GLI3: variants seen among roughly 807,000 people sequenced by gnomAD.
GLI3 encodes the protein transcription activator GLI3.
GLI3 carries 20 observed loss-of-function variants against 100.8 expected under a neutral mutation model. The ratio of observed to expected loss-of-function variants is 0.20; its 90% confidence interval spans 0.14 to 0.29. The LOEUF (loss-of-function observed/expected upper bound fraction) is 0.29, where lower values mean the gene tolerates loss of function less well. GLI3 is among the 10% of genes least tolerant of loss of function. The pLI, the probability that GLI3 is intolerant of heterozygous loss-of-function variation, is 1.00. For synonymous variants in GLI3, 938 were observed against 860.5 expected (o/e 1.09, Z -1.58); for missense variants, 2,040 against 2,128.5 (o/e 0.96, Z 0.82).
At position 41,965,053 on chromosome 7, in the gene GLI3, G is replaced by C. The variant is rs35139358; in HGVS notation, c.4020C>G (p.Pro1340=). ...DSMQHPGAGR[P]GQQMLGQISA... ...TAATCTGCCCAAGCATCTGCTGACCGGGGCGGCCTGCCCCCGGGTGCTGCA... is the reference window on the plus strand; with the variant it reads ...TAATCTGCCCAAGCATCTGCTGACCCGGGCGGCCTGCCCCCGGGTGCTGCA... The change falls in exon 15 of 15, where the codon CCC becomes CCG. Residue 1340 remains proline, a synonymous_variant. Coordinates refer to ENST00000395925, the MANE Select transcript of GLI3 (RefSeq NM_000168.6). 1.2e-5 allele frequency: 20 copies of C among 1,613,754 alleles called. No homozygotes were observed. The highest frequency in any genetic ancestry group is 1.2e-4 in the African/African-American group (9 of 74,944).
chr7:42,227,973 G>C (rs767108297), intron 1 of GLI3, among the ~76,000 whole-genome samples: 1 of 152,178 alleles, frequency 6.6e-6, no homozygotes, highest in Admixed American at 6.5e-5. Flanking sequence ...CTTTCCTGTC[G>C]AGTTCCCTTC....
At chr7:42,208,321 C>T (rs1788196238) in intron 2 of GLI3, among the ~76,000 whole-genome samples, 1 of 152,074 alleles carries the variant, frequency 6.6e-6, no homozygotes, top group African/African-American at 2.4e-5. Flanking sequence ...CCTTTAGGCT[C>T]CATTTTTACT....
At chr7:42,026,997 T>C (rs187449888) in intron 7 of GLI3, among the ~76,000 whole-genome samples, 19 of 152,302 alleles carry the variant, frequency 1.2e-4, no homozygotes, top group Non-Finnish European at 1.5e-5. Flanking sequence ...GATTAACCTC[T>C]CCCCGCTGAA....
At chr7:42,220,858 T>C (rs578246672) in intron 2 of GLI3, among the ~76,000 whole-genome samples, 1 of 152,334 alleles carries the variant, frequency 6.6e-6, no homozygotes, top group South Asian at 2.1e-4. Context: ...ACAGTAAATC[T>C]CTTAGAAGAA....
chr7:42,147,603 T>A (rs57286045), intron 3 of GLI3, among the ~76,000 whole-genome samples: 3,578 of 152,288 alleles, frequency 0.023, 141 homozygotes, highest in African/African-American at 0.082. Context: ...AACCATCCCA[T>A]ACATGAGTTC....
At chr7:42,196,722 C>A (rs779027373) in intron 2 of GLI3, among the ~76,000 whole-genome samples, 2 of 152,140 alleles carry the variant, frequency 1.3e-5, no homozygotes, top group Non-Finnish European at 2.9e-5. Context: ...GACAAGAGAT[C>A]ATCTTCAAAG....
chr7:42,020,180 T>C (rs1788896315), intron 10 of GLI3, among the ~76,000 whole-genome samples: 1 of 152,102 alleles, frequency 6.6e-6, no homozygotes, highest in South Asian at 2.1e-4. Flanking sequence ...GTACATGGAG[T>C]GCATTACAGT....
At chr7:42,142,995 T>C (rs1178425246) in intron 3 of GLI3, among the ~76,000 whole-genome samples, 1 of 148,914 alleles carries the variant, frequency 6.7e-6, no homozygotes, top group Non-Finnish European at 1.5e-5. Flanking sequence ...TCTTAAAACA[T>C]TACCTCTGGA....
At chr7:42,142,757 C>T (rs1786599710) in intron 3 of GLI3, among the ~76,000 whole-genome samples, 1 of 150,476 alleles carries the variant, frequency 6.6e-6, no homozygotes, top group Non-Finnish European at 1.5e-5. Flanking sequence ...GGTGAAACCC[C>T]GTCTCTACTA....
Position 42,243,649 on chromosome 7 carries a change from C to T in GLI3, c.-43+20345G>A, listed in dbSNP as rs138409328. 1.5e-3 allele frequency among the ~76,000 whole-genome samples: 228 copies of T among 152,180 alleles called. 2 individuals carry two copies. The highest frequency in any genetic ancestry group is 6.8e-3 in the Middle Eastern group (2 of 294). Reference sequence around the variant, plus strand: ...TAAATAAAGGAGTGGATCTACTATCCGGATTAGTAGATGCCAAGGAAAGCA... The same window carrying T: ...TAAATAAAGGAGTGGATCTACTATCTGGATTAGTAGATGCCAAGGAAAGCA... On this transcript the variant is annotated intron_variant, in intron 1 of 2. Coordinates refer to the GLI3 transcript ENST00000678978.
At chr7:42,125,453 C>T (rs1050959813) in intron 3 of GLI3, among the ~76,000 whole-genome samples, 4 of 152,194 alleles carry the variant, frequency 2.6e-5, no homozygotes, top group South Asian at 2.1e-4. Flanking sequence ...CAGGCTTCCA[C>T]GGCAATCCCT....
At chr7:42,163,240 T>C (rs1787168876) in intron 2 of GLI3, among the ~76,000 whole-genome samples, 1 of 151,820 alleles carries the variant, frequency 6.6e-6, no homozygotes. Flanking sequence ...CTCTTCTATC[T>C]CACCTCTGCT....
Position 42,104,806 on chromosome 7 carries a change from A to G in GLI3, c.368-27949T>C, listed in dbSNP as rs548101996. 2.0e-5 allele frequency among the ~76,000 whole-genome samples: 3 copies of G among 152,274 alleles called. No homozygotes were observed. In the South Asian group the frequency reaches 6.2e-4, roughly 32 times the overall value. On this transcript the variant is annotated intron_variant, in intron 3 of 14. Coordinates refer to ENST00000395925, the MANE Select transcript of GLI3 (RefSeq NM_000168.6). Reference sequence around the variant, plus strand: ...CTTTTAAAGAGGCCCCAGAGAACCTATTGGCCGTTCCACCACGTGAGGACA... The same window carrying G: ...CTTTTAAAGAGGCCCCAGAGAACCTGTTGGCCGTTCCACCACGTGAGGACA...
At chr7:42,056,395 A>T (rs916793798) in intron 4 of GLI3, among the ~76,000 whole-genome samples, 1 of 152,208 alleles carries the variant, frequency 6.6e-6, no homozygotes, top group African/African-American at 2.4e-5. Context: ...ACAGCTAAAA[A>T]GCATTCACAG....
intron 1 of GLI3, among the ~76,000 whole-genome samples, chr7:42,236,348 AAATAAGAG>A (rs1788792884): frequency 1.3e-5 from 2 of 152,170 alleles, no homozygotes; most frequent in Admixed American, 1.3e-4. Flanking sequence ...AAAGGAAAAG[AAATAAGAG>A]AATCCCAAAT....
At chr7:42,170,729 T>G (rs974899671) in intron 2 of GLI3, among the ~76,000 whole-genome samples, 1 of 152,264 alleles carries the variant, frequency 6.6e-6, no homozygotes, top group East Asian at 1.9e-4. Flanking sequence ...AAGTACCTGG[T>G]CTTTCTGAAA....
Position 41,961,798 on chromosome 7 carries a change from C to G in GLI3, c.*2532G>C, listed in dbSNP as rs1475445971. The G allele has an allele frequency of 1.3e-5, 2 of 152,098 alleles. No homozygotes were observed. The highest frequency in any genetic ancestry group is 2.9e-5 in the Non-Finnish European group (2 of 68,050). The allele number at this position is 152,098 out of a possible 1,614,324, so 9.4% of individuals were successfully genotyped here. On this transcript the variant is annotated 3_prime_UTR_variant, in exon 15 of 15. Coordinates refer to ENST00000395925, the MANE Select transcript of GLI3 (RefSeq NM_000168.6). ...ATGCTTCTAAGTGACCTCAAAAGACCTTCCTTCCACTGGACTGCCACAACA... is the reference window on the plus strand; with the variant it reads ...ATGCTTCTAAGTGACCTCAAAAGACGTTCCTTCCACTGGACTGCCACAACA...
intron 3 of GLI3, among the ~76,000 whole-genome samples, chr7:42,122,933 T>C (rs1186235867): frequency 6.6e-6 from 1 of 152,204 alleles, no homozygotes; most frequent in Non-Finnish European, 1.5e-5. Context: ...GATCAAAATG[T>C]CCAAAAGGAT....
intron 1 of GLI3, among the ~76,000 whole-genome samples, chr7:42,257,190 T>C (rs1162472906): frequency 6.6e-6 from 1 of 152,144 alleles, no homozygotes; most frequent in Non-Finnish European, 1.5e-5. Context: ...TACAAAATTA[T>C]GTCATTTGCA....
Sources: allele counts gnomAD v4.1 joint callset (sites outside exome capture counted in the v4.1 genomes callset), GRCh38; gene constraint gnomAD v4.1.1; transcripts MANE v1.5; gene names NCBI Gene and HGNC (gene_info 2026-07-23, HGNC 2026-07-21).